ZSWIM3: variants seen among roughly 807,000 people sequenced by gnomAD.
The protein encoded by ZSWIM3 is zinc finger SWIM-type containing 3, also known as zinc finger SWIM domain-containing protein 3.
A neutral mutation model predicts 47.5 loss-of-function variants in ZSWIM3; 27 were observed. The observed-to-expected ratio is 0.57, with a 90% CI of 0.42 to 0.78. The LOEUF is 0.78. Among genes scored for constraint, ZSWIM3 ranks in the 30% least tolerant of loss-of-function variants. ZSWIM3 has a pLI of 0.00. For missense variants in ZSWIM3, 689 were observed against 861.3 expected (o/e 0.80, Z 2.50); for synonymous variants, 333 against 333.9 (o/e 1.00, Z 0.03).
chr20:45,864,679 A>G (rs1168832566), intron 1 of ZSWIM3, among the ~76,000 whole-genome samples: 1 of 151,936 alleles, frequency 6.6e-6, no homozygotes, highest in Non-Finnish European at 1.5e-5. Flanking sequence ...CCTGCCCGAC[A>G]TGGTGAAACC....
intron 1 of ZSWIM3, among the ~76,000 whole-genome samples, chr20:45,864,792 C>A (rs565519627): frequency 6.6e-6 from 1 of 152,084 alleles, no homozygotes; most frequent in Admixed American, 6.6e-5. Context: ...ACCCGAGAGG[C>A]GGAGGCTGCA....
intron 1 of ZSWIM3, among the ~76,000 whole-genome samples, chr20:45,870,420 C>T (rs1985948058): frequency 6.6e-6 from 1 of 152,094 alleles, no homozygotes; most frequent in Non-Finnish European, 1.5e-5. Context: ...TATCCATGCC[C>T]ATTCCTAATA....
rs1204996667 is a variant in ZSWIM3 at position 45,876,702 on chromosome 20, T to C, written c.156-12T>C. 1 of 1,603,314 alleles carries C rather than the reference T, an allele frequency of 6.2e-7. No individual in the cohort carries two copies. The highest frequency in any genetic ancestry group is 1.7e-5 in the Admixed American group (1 of 59,158). ...TCAGCACCTTTCTCATTGTTACCTC[T>C]ACCTTCCCTAGGTATGTGCAGGTGA... On this transcript the variant is annotated splice_polypyrimidine_tract_variant and intron_variant, in intron 1 of 1. Coordinates refer to ENST00000255152, the MANE Select transcript of ZSWIM3 (RefSeq NM_080752.4).
rs771712120 is a variant in ZSWIM3, at chr20:45,870,046, GAAAAAAA to G, written c.156-6657_156-6651del. Among the ~76,000 whole-genome samples the G allele has an allele frequency of 6.3e-4, 34 of 53,758 alleles. No individual in the cohort carries two copies. In the Admixed American group the frequency reaches 8.2e-3, roughly 13 times the overall value. 35.3% of individuals were successfully genotyped at this position (53,758 alleles called of 152,430 possible). On this transcript the variant is annotated intron_variant, in intron 1 of 1. Coordinates refer to ENST00000255152, the MANE Select transcript of ZSWIM3 (RefSeq NM_080752.4). ...GCAACAGGGCAAAACTCCGTCTCAA[GAAAAAAA>G]AAAAAAAAAAGAAAAGGCCAAGCGT...
At position 45,857,796 on chromosome 20, in the gene ZSWIM3, C is replaced by A; in HGVS notation, c.-30C>A. The A allele has an allele frequency of 6.2e-7, 1 of 1,609,546 alleles. No individual in the cohort carries two copies. On this transcript the variant is annotated 5_prime_UTR_variant, in exon 1 of 2. Transcript: ENST00000255152. ...TGTGATCTTGGGCCCGGGCTGGGACCAGCCCCTAGTGTGGGTTGTGGGGGC... is the reference window on the plus strand; with the variant it reads ...TGTGATCTTGGGCCCGGGCTGGGACAAGCCCCTAGTGTGGGTTGTGGGGGC...
chr20:45,866,433 C>G (rs531442136), intron 1 of ZSWIM3, among the ~76,000 whole-genome samples: 2 of 152,278 alleles, frequency 1.3e-5, no homozygotes, highest in South Asian at 4.1e-4. Context: ...AAAGACCCCC[C>G]CTTGCCCTTG....
intron 1 of ZSWIM3, among the ~76,000 whole-genome samples, chr20:45,873,453 A>G (rs1342468265): frequency 2.0e-5 from 3 of 152,118 alleles, no homozygotes; most frequent in African/African-American, 7.2e-5. Context: ...GGCTTGGACT[A>G]CCCTGAGGAA....
At chr20:45,858,519 C>G (rs564229769) in intron 1 of ZSWIM3, among the ~76,000 whole-genome samples, 1 of 152,316 alleles carries the variant, frequency 6.6e-6, no homozygotes. Flanking sequence ...GTAGTTGGAA[C>G]TGGAGGTGCA....
chr20:45,877,040 C>T lies in ZSWIM3; in HGVS notation c.482C>T (p.Pro161Leu). The change falls in exon 2 of 2, where the codon CCA becomes CTA. Residue 161 changes from proline to leucine, a missense_variant. By Grantham distance (98) the Pro-to-Leu change is moderately conservative. Coordinates refer to ENST00000255152, the MANE Select transcript of ZSWIM3 (RefSeq NM_080752.4). ...GATAAGGTACAAGTGTCCTCAAAGC[C>T]AGAGCAGGAAGGCATCACTCCTTCT... ...CLDKVQVSSK[P>L]EQEGITPSDL... 1 of 1,614,174 alleles carries T rather than the reference C, an allele frequency of 6.2e-7. No homozygotes were observed. Among genetic ancestry groups the T allele is most frequent in the Non-Finnish European group, 8.5e-7 (1 of 1,180,032 alleles).
rs768713497 is a variant in ZSWIM3, at chr20:45,878,656, T to G, written c.*7T>G. The G allele has an allele frequency of 2.5e-6, 4 of 1,597,144 alleles. No homozygotes were observed. Among genetic ancestry groups the G allele is most frequent in the Non-Finnish European group, 3.4e-6 (4 of 1,168,530 alleles). ...AGCTGTGATGCATTATTGAAGCACTTTAGCTGAAGCATTGGACCACAAACA... is the reference window on the plus strand; with the variant it reads ...AGCTGTGATGCATTATTGAAGCACTGTAGCTGAAGCATTGGACCACAAACA... On this transcript the variant is annotated 3_prime_UTR_variant, in exon 2 of 2. Transcript: ENST00000255152.
rs1030407927 is a variant in ZSWIM3 at position 45,857,639 on chromosome 20, C to T, written c.-187C>T. ...GTCAGATAGCAAATACACCCCCTTC[C>T]TCTTGTAACCCGGTCAGGCCTAGGG... On this transcript the variant is annotated 5_prime_UTR_variant, in exon 1 of 2. Transcript: ENST00000255152. 7 of 730,304 alleles carry T rather than the reference C, an allele frequency of 9.6e-6. No homozygotes were observed. Among genetic ancestry groups the T allele is most frequent in the South Asian group, 1.8e-5 (1 of 56,804 alleles). 45.2% of individuals were successfully genotyped at this position (730,304 alleles called of 1,614,324 possible).
In ZSWIM3 at chr20:45,857,647, AC is replaced by A; in HGVS notation, c.-176del. On this transcript the variant is annotated 5_prime_UTR_variant, in exon 1 of 2. Coordinates refer to ENST00000255152, the MANE Select transcript of ZSWIM3 (RefSeq NM_080752.4). ...GCAAATACACCCCCTTCCTCTTGTA[AC>A]CCGGTCAGGCCTAGGGTTCCTCCCT... is the stretch of plus-strand genomic sequence containing the variant. The A allele has an allele frequency of 1.3e-6, 1 of 754,302 alleles. No individual in the cohort carries two copies. Among genetic ancestry groups the A allele is most frequent in the Admixed American group, 2.4e-5 (1 of 41,856 alleles). The allele number at this position is 754,302 out of a possible 1,614,324, so 46.7% of individuals were successfully genotyped here.
chr20:45,865,758 G>C (rs985081576), intron 1 of ZSWIM3, among the ~76,000 whole-genome samples: 19 of 152,020 alleles, frequency 1.2e-4, no homozygotes, highest in Non-Finnish European at 2.6e-4. Flanking sequence ...AGCACTTTGA[G>C]AGGCCGAGGC....
intron 1 of ZSWIM3, among the ~76,000 whole-genome samples, chr20:45,874,376 G>T (rs528103167): frequency 3.3e-5 from 5 of 152,192 alleles, no homozygotes; most frequent in Non-Finnish European, 7.3e-5. Flanking sequence ...GTCAGGTGCA[G>T]TGCTGCATGC....
At chr20:45,873,123 C>T (rs1011764799) in intron 1 of ZSWIM3, among the ~76,000 whole-genome samples, 1 of 152,084 alleles carries the variant, frequency 6.6e-6, no homozygotes, top group Non-Finnish European at 1.5e-5. Flanking sequence ...TCTGCTGAGC[C>T]GGGCGCAGTT....
rs1237897525 is a variant in ZSWIM3 at position 45,877,272 on chromosome 20, G to A, written c.714G>A (p.Leu238=). The A allele has an allele frequency of 1.9e-6, 3 of 1,614,136 alleles. No individual in the cohort carries two copies. The highest frequency in any genetic ancestry group is 2.5e-6 in the Non-Finnish European group (3 of 1,180,024). The part of the protein sequence containing the change: ...NTQGHILYAF[L]VENKERESRV... ...AGGGCCACATCCTCTATGCTTTCTT[G>A]GTGGAGAACAAGGAACGAGAAAGTC... Residue 238 remains leucine (L), a synonymous_variant, in exon 2 of 2, where the codon TTG becomes TTA. Transcript: ENST00000255152.
In ZSWIM3 at chr20:45,876,936, A is replaced by T. The variant is rs1601119303; in HGVS notation, c.378A>T (p.Arg126Ser). The change falls in exon 2 of 2, where the codon AGA becomes AGT. Residue 126 changes from arginine (R) to serine (S), a missense_variant. Transcript: ENST00000255152. ...GKSQKTMCLQ[R>S]LQPVQPTTKK... Reference sequence around the variant, plus strand: ...CTCAAAAGACAATGTGCCTGCAGAGACTCCAGCCTGTGCAGCCCACAACCA... The same window carrying T: ...CTCAAAAGACAATGTGCCTGCAGAGTCTCCAGCCTGTGCAGCCCACAACCA... 6.2e-7 allele frequency: 1 copy of T among 1,613,708 alleles called. No individual in the cohort carries two copies. Among genetic ancestry groups the T allele is most frequent in the Non-Finnish European group, 8.5e-7 (1 of 1,179,944 alleles).
intron 1 of ZSWIM3, 98 bp from the exon 2 acceptor site, chr20:45,876,616 G>A: frequency 6.9e-7 from 1 of 1,452,082 alleles, no homozygotes; most frequent in Non-Finnish European, 9.3e-7. Context: ...TGGGGTTATA[G>A]GCATGAGCCA....
intron 1 of ZSWIM3, among the ~76,000 whole-genome samples, chr20:45,874,280 C>CAA (rs1986040430): frequency 6.6e-6 from 1 of 152,070 alleles, no homozygotes. Context: ...GGGAGGCTGA[C>CAA]GCGGGTGGAT....
Sources: gnomAD v4.1 joint callset for allele counts (sites outside exome capture counted in the v4.1 genomes callset) on GRCh38, gnomAD v4.1.1 for gene constraint, MANE v1.5 for transcripts, NCBI Gene and HGNC (gene_info 2026-07-23, HGNC 2026-07-21) for gene names.